Variants in ETV6 observed in about 807,000 individuals in gnomAD.
ETV6 encodes the protein ETS variant transcription factor 6.
Under a neutral mutation model 51.1 loss-of-function variants are expected in ETV6, and 16 were observed. The ratio of observed to expected loss-of-function variants is 0.31; its 90% CI spans 0.21 to 0.48. The LOEUF (loss-of-function observed/expected upper bound fraction) is 0.48. Among genes scored for constraint, ETV6 ranks in the 20% least tolerant of loss-of-function variants. The probability of loss-of-function intolerance (pLI) is 0.99; values close to 1 mark genes in which losing one functional copy is unlikely to be tolerated. For missense variants in ETV6, 458 were observed against 594.8 expected, an observed-to-expected ratio of 0.77 and a Z score of 2.39; for synonymous variants, 240 against 224.1, an observed-to-expected ratio of 1.07 and a Z score of -0.64.
intron 4 of ETV6, among the ~76,000 whole-genome samples, chr12:11,854,142 A>T (rs562757542): frequency 6.6e-6 from 1 of 152,218 alleles, no homozygotes; most frequent in Admixed American, 6.5e-5. Context: ...GTGACAGATC[A>T]TCAGCCATTA....
chr12:11,850,317 C>T (rs533436805), intron 3 of ETV6, among the ~76,000 whole-genome samples: 3 of 152,254 alleles, frequency 2.0e-5, no homozygotes, highest in African/African-American at 4.8e-5. Flanking sequence ...CGGCAGACCA[C>T]GTGTCAGACC....
intron 4 of ETV6, among the ~76,000 whole-genome samples, chr12:11,855,732 C>T (rs750100659): frequency 1.3e-5 from 2 of 152,196 alleles, no homozygotes; most frequent in African/African-American, 4.8e-5. Context: ...AACAGCATTT[C>T]GTGCACGCTC....
At chr12:11,882,924 G>T (rs530548142) in intron 5 of ETV6, among the ~76,000 whole-genome samples, 1 of 152,362 alleles carries the variant, frequency 6.6e-6, no homozygotes, top group Admixed American at 6.5e-5. Flanking sequence ...TAGTGCAGGA[G>T]TCCAGAGTGC....
At chr12:11,769,198 T>TC (rs1345212546) in intron 2 of ETV6, among the ~76,000 whole-genome samples, 3 of 152,236 alleles carry the variant, frequency 2.0e-5, no homozygotes, top group African/African-American at 7.2e-5. Flanking sequence ...TTATTAGCTT[T>TC]CCTCTGTACA....
intron 4 of ETV6, among the ~76,000 whole-genome samples, chr12:11,864,392 C>A (rs1440947492): frequency 3.3e-5 from 5 of 152,128 alleles, no homozygotes; most frequent in African/African-American, 1.2e-4. Flanking sequence ...AATACATGGT[C>A]TTCATCATCC....
At chr12:11,717,249 G>GGTTT (rs1565497151) in intron 1 of ETV6, among the ~76,000 whole-genome samples, 5 of 152,226 alleles carry the variant, frequency 3.3e-5, no homozygotes, top group African/African-American at 1.2e-4. Flanking sequence ...AGACAAACCT[G>GGTTT]GAGCCAAGGG....
At chr12:11,879,828 CT>C (rs1258644097) in intron 5 of ETV6, among the ~76,000 whole-genome samples, 3 of 151,860 alleles carry the variant, frequency 2.0e-5, no homozygotes, top group Non-Finnish European at 4.4e-5. Context: ...GTGTGTTGCG[CT>C]TTATTATATA....
chr12:11,650,186 C>G, intron 1 of ETV6, 26 bp downstream of exon 1: 1 of 1,607,600 alleles, frequency 6.2e-7, no homozygotes, highest in South Asian at 1.1e-5. Flanking sequence ...CCTCCTTCTA[C>G]GTGGTGGAAA....
At chr12:11,687,268 C>G (rs1864652539) in intron 1 of ETV6, among the ~76,000 whole-genome samples, 1 of 150,912 alleles carries the variant, frequency 6.6e-6, no homozygotes, top group Admixed American at 6.6e-5. Flanking sequence ...CCCCACGCCC[C>G]CCACCAGGTT....
intron 5 of ETV6, among the ~76,000 whole-genome samples, chr12:11,879,045 T>C (rs1395015826): frequency 1.3e-5 from 2 of 152,136 alleles, no homozygotes; most frequent in Non-Finnish European, 2.9e-5. Context: ...CCTCCAGATA[T>C]TGCCACATGC....
At chr12:11,789,065 C>T (rs974557080) in intron 2 of ETV6, among the ~76,000 whole-genome samples, 2 of 152,134 alleles carry the variant, frequency 1.3e-5, no homozygotes, top group African/African-American at 4.8e-5. Flanking sequence ...CAGAGGCTCA[C>T]ATTGTCGCCC....
chr12:11,725,884 A>C (rs1053074013), intron 1 of ETV6, among the ~76,000 whole-genome samples: 1 of 152,236 alleles, frequency 6.6e-6, no homozygotes, highest in Admixed American at 6.5e-5. Context: ...CACCAGAAGC[A>C]GATGCTAGGG....
rs1946947857 is a variant in ETV6 at position 11,874,654 on chromosome 12, G to GTT, written c.1009+4686_1009+4687insTT. Reference sequence around the variant, plus strand: ...TATGTGTGTGTGTATATACACATATGTGTGTATATGTATATATGTGTGTAT... The same window carrying GTT: ...TATGTGTGTGTGTATATACACATATGTTTGTGTATATGTATATATGTGTGTAT... On this transcript the variant is annotated intron_variant, in intron 5 of 7. Transcript: ENST00000396373. 2.1e-4 allele frequency among the ~76,000 whole-genome samples: 2 copies of GTT among 9,692 alleles called. 1 individual carries two copies. Among genetic ancestry groups the GTT allele is most frequent in the African/African-American group, 4.3e-4 (2 of 4,614 alleles). 6.4% of individuals were successfully genotyped at this position (9,692 alleles called of 152,430 possible).
intron 3 of ETV6, among the ~76,000 whole-genome samples, chr12:11,849,394 G>C (rs544125806): frequency 1.3e-5 from 2 of 152,242 alleles, no homozygotes; most frequent in African/African-American, 4.8e-5. Context: ...TTATAGGTGT[G>C]ACGCACAGCA....
chr12:11,777,762 C>T (rs771153178), intron 2 of ETV6, among the ~76,000 whole-genome samples: 23 of 152,112 alleles, frequency 1.5e-4, no homozygotes, highest in Non-Finnish European at 2.9e-4. Context: ...ACCTCCACCC[C>T]CCACCCTAGC....
At chr12:11,730,684 G>A (rs969895172) in intron 1 of ETV6, among the ~76,000 whole-genome samples, 8 of 152,208 alleles carry the variant, frequency 5.3e-5, no homozygotes, top group Admixed American at 3.3e-4. Context: ...TCTCTCCACC[G>A]CAGAATGTGG....
At chr12:11,816,196 C>T (rs911221893) in intron 2 of ETV6, among the ~76,000 whole-genome samples, 2 of 152,200 alleles carry the variant, frequency 1.3e-5, no homozygotes, top group Non-Finnish European at 2.9e-5. Flanking sequence ...GTTTAGGAGG[C>T]CCTGGGAAGC....
At chr12:11,812,025 A>G (rs1217943068) in intron 2 of ETV6, among the ~76,000 whole-genome samples, 1 of 152,240 alleles carries the variant, frequency 6.6e-6, no homozygotes, top group East Asian at 1.9e-4. Context: ...GGCAGTAAAA[A>G]TGTCCCAATG....
intron 3 of ETV6, among the ~76,000 whole-genome samples, chr12:11,847,660 A>G (rs369239797): frequency 6.6e-6 from 1 of 152,300 alleles, no homozygotes; most frequent in Non-Finnish European, 1.5e-5. Flanking sequence ...TGCCCTTTGG[A>G]TTTGACAACA....
Sources: gnomAD v4.1 joint callset for allele counts (sites outside exome capture counted in the v4.1 genomes callset) on GRCh38, gnomAD v4.1.1 for gene constraint, MANE v1.5 for transcripts, NCBI Gene and HGNC (gene_info 2026-07-23, HGNC 2026-07-21) for gene names.